The following THBS2 variants were observed in gnomAD, a reference collection of about 807,000 sequenced individuals.
THBS2 encodes thrombospondin-2.
THBS2 carries 47 observed loss-of-function variants against 135.2 expected under a neutral mutation model. That is an observed-to-expected ratio of 0.35 (90% confidence interval 0.28 to 0.44). THBS2 has a LOEUF of 0.44. Among genes scored for constraint, THBS2 ranks in the 20% least tolerant of loss-of-function variants. THBS2 has a pLI of 1.00. For missense variants in THBS2, 1,288 were observed against 1,603.1 expected (o/e 0.80, Z 3.36); for synonymous variants, 639 against 633.8 (o/e 1.01, Z -0.12).
rs766238569 is a variant in THBS2 at position 169,248,737 on chromosome 6, T to A, written c.289A>T (p.Arg97Trp). Residue 97 changes from arginine (R) to tryptophan (W), a missense_variant, in exon 3 of 22, where the codon AGG becomes TGG. By Grantham distance (101) the Arg-to-Trp change is moderately radical. Around this residue, in one of 2 missense-constraint regions of THBS2, gnomAD observed 414 missense variants for 447.0 expected, o/e 0.93. Coordinates refer to ENST00000617924, the MANE Select transcript of THBS2 (RefSeq NM_003247.5). ...TAQLKQDGKS[R>W]GTLLALEGPG... ...CCCTCCAGAGCCAACAGCGTGCCCC[T>A]GGACTTGCCGTCCTGCTTGAGCTGG... 27 of 1,613,634 alleles carry A rather than the reference T, an allele frequency of 1.7e-5. No individual in the cohort carries two copies. Among genetic ancestry groups the A allele is most frequent in the Non-Finnish European group, 2.3e-5 (27 of 1,179,996 alleles).
chr6:169,245,648 T>C (rs1425080246), intron 4 of THBS2, among the ~76,000 whole-genome samples: 8 of 151,784 alleles, frequency 5.3e-5, no homozygotes, highest in East Asian at 3.9e-4. Context: ...AAAAATTAGC[T>C]GGGTGTGGTG....
chr6:169,233,253 C>T (rs1779914753), intron 10 of THBS2, among the ~76,000 whole-genome samples: 2 of 152,056 alleles, frequency 1.3e-5, no homozygotes, highest in African/African-American at 2.4e-5. Context: ...CTACACGCCA[C>T]GGGCCACACC....
intron 3 of THBS2, among the ~76,000 whole-genome samples, chr6:169,247,255 G>A (rs1317615948): frequency 6.6e-6 from 1 of 152,122 alleles, no homozygotes; most frequent in African/African-American, 2.4e-5. Flanking sequence ...GTGTGTGTGC[G>A]CTTGTATGTG....
chr6:169,230,484 C>G (rs1779794205), intron 13 of THBS2, among the ~76,000 whole-genome samples: 1 of 152,136 alleles, frequency 6.6e-6, no homozygotes. Flanking sequence ...TGTTGCTTGT[C>G]ATGGAGGACA....
chr6:169,238,877 G>A (rs1780197092), intron 7 of THBS2, among the ~76,000 whole-genome samples: 1 of 152,176 alleles, frequency 6.6e-6, no homozygotes, highest in Non-Finnish European at 1.5e-5. Context: ...TGATCTTAGT[G>A]CAGCAGCAAC....
chr6:169,229,494 G>C, intron 14 of THBS2, 78 bp downstream of exon 14: 1 of 1,120,582 alleles, frequency 8.9e-7, no homozygotes, highest in Non-Finnish European at 1.4e-6. Flanking sequence ...GACAAGGGCT[G>C]TTTGGTATAA....
intron 16 of THBS2, 88 bp downstream of exon 16, chr6:169,226,091 CA>C: frequency 1.4e-6 from 2 of 1,389,930 alleles, no homozygotes; most frequent in Non-Finnish European, 2.0e-6. Context: ...GCACCAGGGG[CA>C]GTTGTCACAG....
intron 4 of THBS2, 118 bp from the exon 5 acceptor site, chr6:169,242,076 A>G (rs1780325675): frequency 8.5e-7 from 1 of 1,177,796 alleles, no homozygotes; most frequent in Admixed American, 2.5e-5. Context: ...GCTGGGAGAC[A>G]CAAGGCGGAG....
intron 9 of THBS2, 86 bp downstream of exon 9, chr6:169,237,084 C>G (rs922838551): frequency 2.5e-5 from 36 of 1,469,044 alleles, no homozygotes; most frequent in Non-Finnish European, 2.8e-5. Context: ...GGCCCTGACA[C>G]CCCGGATCCC....
Position 169,217,794 on chromosome 6 carries a change from G to A in THBS2, c.*28C>T, listed in dbSNP as rs73043837. The A allele has an allele frequency of 0.091, 146,511 of 1,609,972 alleles. 7,583 individuals carry two copies. Among genetic ancestry groups the A allele is most frequent in the South Asian group, 0.12 (10,951 of 90,552 alleles). On this transcript the variant is annotated 3_prime_UTR_variant, in exon 22 of 22. Transcript: ENST00000617924. Reference sequence around the variant, plus strand: ...GTCTAGGGACCATGGCATGCACAGGGCATTGCCGGAAATGCAGCAAATCTT... The same window carrying A: ...GTCTAGGGACCATGGCATGCACAGGACATTGCCGGAAATGCAGCAAATCTT...
At chr6:169,234,692 G>A in intron 10 of THBS2, 42 bp downstream of exon 10, 4 of 1,446,918 alleles carry the variant, frequency 2.8e-6, no homozygotes, top group Non-Finnish European at 9.2e-7. Context: ...CATCAGAATG[G>A]AAGCCCGGGT....
chr6:169,251,509 G>A (rs577814547), intron 1 of THBS2, among the ~76,000 whole-genome samples: 4 of 152,154 alleles, frequency 2.6e-5, no homozygotes, highest in Non-Finnish European at 5.9e-5. Flanking sequence ...TCCAAAGCCC[G>A]GCTGGGCGAT....
chr6:169,223,591 C>T (rs1332944524), intron 17 of THBS2, 116 bp from the exon 18 acceptor site: 1 of 779,008 alleles, frequency 1.3e-6, no homozygotes, highest in Non-Finnish European at 2.1e-6. Context: ...TTTCCCAGAA[C>T]ATCTAAGACT....
In THBS2 at chr6:169,234,817, C is replaced by A. The variant is rs772389872; in HGVS notation, c.1568G>T (p.Ser523Ile). 5.0e-6 allele frequency: 8 copies of A among 1,612,934 alleles called. No individual in the cohort carries two copies. The highest frequency in any genetic ancestry group is 6.8e-6 in the Non-Finnish European group (8 of 1,179,598). ...GIRERTRVCN[S>I]PEPQYGGKAC... ...CTTCCCTCCGTACTGAGGCTCAGGG[C>A]TGTTGCAGACCCGGGTGCGCTCCCG... is the stretch of plus-strand genomic sequence containing the variant. The change falls in exon 10 of 22, where the codon AGC becomes ATC. Residue 523 changes from serine to isoleucine, a missense_variant. By Grantham distance (142) the Ser-to-Ile change is moderately radical. Coordinates refer to ENST00000617924, the MANE Select transcript of THBS2 (RefSeq NM_003247.5).
In THBS2 at chr6:169,217,724, G is replaced by A. The variant is rs1779225427; in HGVS notation, c.*98C>T. On this transcript the variant is annotated 3_prime_UTR_variant, in exon 22 of 22. Transcript: ENST00000617924. ...CAGAGTTAAGGTCAAGGGACAGGAG[G>A]TGCTGCTAGAGAGAGAAGCCACAAG... 2.2e-6 allele frequency: 3 copies of A among 1,370,978 alleles called. No individual in the cohort carries two copies. Among genetic ancestry groups the A allele is most frequent in the East Asian group, 2.3e-5 (1 of 43,106 alleles). 84.9% of individuals were successfully genotyped at this position (1,370,978 alleles called of 1,614,324 possible).
Position 169,225,368 on chromosome 6 carries a change from G to T in THBS2, c.2550C>A (p.Asp850Glu). ...CACACTGGTCCCCAACAAGGTCATT[G>T]TCCACGTCGGTCTAGGGGATGGGGC... is the stretch of plus-strand genomic sequence containing the variant. ...LVHNPDQTDVDNDLVGDQCDN... is the reference protein window; with the variant it reads ...LVHNPDQTDVENDLVGDQCDN... Residue 850 changes from aspartate to glutamate, a missense_variant, in exon 17 of 22, where the codon GAC (aspartate) becomes GAA (glutamate). Asp to Glu is a conservative substitution (Grantham distance 45, BLOSUM62 2). Coordinates refer to ENST00000617924, the MANE Select transcript of THBS2 (RefSeq NM_003247.5). 1 of 1,554,652 alleles carries T rather than the reference G, an allele frequency of 6.4e-7. No homozygotes were observed. Among genetic ancestry groups the T allele is most frequent in the Non-Finnish European group, 8.7e-7 (1 of 1,148,538 alleles).
rs200949474 is a variant in THBS2, at chr6:169,223,199, G to A, written c.3001+49C>T. ...AGTGCAGTCTGCATCTTCTGTGGGC[G>A]CCTCCCCCGGAGAAATGCTGGCACC... is the stretch of plus-strand genomic sequence containing the variant. On this transcript the variant is annotated intron_variant, in intron 18 of 21. Transcript: ENST00000617924. The A allele has an allele frequency of 5.4e-4, 835 of 1,556,744 alleles. 8 individuals are homozygous for A. The highest frequency in any genetic ancestry group is 4.8e-3 in the South Asian group (416 of 87,118).
rs759790871 is a variant in THBS2, at chr6:169,220,292, A to G, written c.3417T>C (p.Pro1139=). Residue 1139 remains proline, a synonymous_variant, in exon 21 of 22, where the codon CCT becomes CCC. Coordinates refer to ENST00000617924, the MANE Select transcript of THBS2 (RefSeq NM_003247.5). ...EGKQVMADSG[P]IYDQTYAGGR... ...CGCCAGCGTAGGTTTGGTCATAGAT[A>G]GGTCCTGAGTCTGCCATGACCTGTT... 6 of 1,613,914 alleles carry G rather than the reference A, an allele frequency of 3.7e-6. No individual in the cohort carries two copies. The highest frequency in any genetic ancestry group is 4.5e-5 in the East Asian group (2 of 44,872).
intron 1 of THBS2, 48 bp from the exon 2 acceptor site, chr6:169,250,854 C>G (rs1780727350): frequency 7.1e-7 from 1 of 1,407,976 alleles, no homozygotes; most frequent in Non-Finnish European, 9.8e-7. Context: ...CAGCTGCAAC[C>G]CTGCCTGTGA....
Sources: gnomAD v4.1 joint callset for allele counts (sites outside exome capture counted in the v4.1 genomes callset) on GRCh38, gnomAD v4.1.1 for gene constraint, gnomAD v4.1.1 regional missense constraint, MANE v1.5 for transcripts, NCBI Gene and HGNC (gene_info 2026-07-23, HGNC 2026-07-21) for gene names.